Variants in NLRP14 observed in about 807,000 individuals in gnomAD.
NLRP14 encodes NACHT, LRR and PYD domains-containing protein 14.
NLRP14 carries 105 observed loss-of-function variants against 94.7 expected under a neutral mutation model. That is an observed-to-expected ratio of 1.11 (90% confidence interval 0.95 to 1.30). The LOEUF (loss-of-function observed/expected upper bound fraction) is 1.30. NLRP14 is among the 50% of genes most tolerant of loss of function. The probability of loss-of-function intolerance (pLI) is 0.00; values close to 1 mark genes in which losing one functional copy is unlikely to be tolerated. For missense variants in NLRP14, 1,362 were observed against 1,254.1 expected (o/e 1.09, Z -1.30); for synonymous variants, 508 against 459.9 (o/e 1.10, Z -1.34).
chr11:7,053,462 A>T (rs1255529521), intron 6 of NLRP14, among the ~76,000 whole-genome samples: 1 of 100,192 alleles, frequency 1.0e-5, no homozygotes, highest in Non-Finnish European at 2.1e-5. Flanking sequence ...TATATATATG[A>T]TTTAAATTAT....
At chr11:7,034,224 G>C (rs1035639299) in intron 1 of NLRP14, among the ~76,000 whole-genome samples, 1 of 152,156 alleles carries the variant, frequency 6.6e-6, no homozygotes, top group Non-Finnish European at 1.5e-5. Context: ...GTCAATATCA[G>C]TACGGACTCA....
intron 5 of NLRP14, among the ~76,000 whole-genome samples, chr11:7,047,604 C>T (rs1852375279): frequency 6.6e-6 from 1 of 151,982 alleles, no homozygotes; most frequent in African/African-American, 2.4e-5. Context: ...CAATGTCCAG[C>T]CTATCCCTTT....
In NLRP14 at chr11:7,071,286, T is replaced by C; in HGVS notation, c.3260T>C (p.Val1087Ala). The C allele has an allele frequency of 6.2e-7, 1 of 1,613,458 alleles. No individual in the cohort carries two copies. The highest frequency in any genetic ancestry group is 8.5e-7 in the Non-Finnish European group (1 of 1,179,550). Residue 1087 changes from valine (V) to alanine (A), a missense_variant, in exon 12 of 12, where the codon GTG becomes GCG. Transcript: ENST00000299481. ...TGTAACTATCATAATGAAGAAGATG[T>C]GTCTTGGTGGTGGTGTTTCTGATTT... is the stretch of plus-strand genomic sequence containing the variant. ...PDCNYHNEEDVSWWWCF is the reference protein window; with the variant it reads ...PDCNYHNEEDASWWWCF
chr11:7,051,643 GTCTCGT>G (rs1461621055), intron 6 of NLRP14, among the ~76,000 whole-genome samples: 3 of 152,156 alleles, frequency 2.0e-5, no homozygotes, highest in African/African-American at 7.2e-5. Flanking sequence ...TTGAGACAGA[GTCTCGT>G]TCTGTCACCC....
intron 9 of NLRP14, among the ~76,000 whole-genome samples, chr11:7,062,001 TA>T (rs1359058698): frequency 1.3e-5 from 2 of 152,040 alleles, no homozygotes; most frequent in Non-Finnish European, 2.9e-5. Context: ...AAAGATATAT[TA>T]AAAACTGAAA....
chr11:7,068,616 T>A (rs1852743605), intron 10 of NLRP14, among the ~76,000 whole-genome samples: 1 of 152,198 alleles, frequency 6.6e-6, no homozygotes, highest in African/African-American at 2.4e-5. Context: ...ACATGACTTT[T>A]TAAACATACT....
chr11:7,062,408 G>A lies in NLRP14; in HGVS notation c.2880G>A (p.Arg960=). 1.2e-6 allele frequency: 2 copies of A among 1,613,180 alleles called. No individual in the cohort carries two copies. The highest frequency in any genetic ancestry group is 1.7e-6 in the Non-Finnish European group (2 of 1,179,368). Residue 960 remains arginine, a synonymous_variant, in exon 10 of 12, where the codon AGG becomes AGA. Coordinates refer to ENST00000299481, the MANE Select transcript of NLRP14 (RefSeq NM_176822.4). The part of the protein sequence containing the change: ...ASVILNNPNL[R]SLDLGNNDLQ... ...TTATTTTGAATAACCCAAACCTGAG[G>A]AGCCTGGACCTTGGGAACAACGATT... is the stretch of plus-strand genomic sequence containing the variant.
Position 7,043,573 on chromosome 11 carries a change from A to C in NLRP14, c.1547A>C (p.Gln516Pro), listed in dbSNP as rs1344031925. The change falls in exon 4 of 12, where the codon CAA becomes CCA. Residue 516 changes from glutamine to proline, a missense_variant. Physicochemically the swap from Gln to Pro is moderately conservative, Grantham distance 76. Transcript: ENST00000299481. ...TTTGAAGATTTGAAGTCATTACTTC[A>C]AAGCACAAGTTATAAAGACCCCCAT... ...QPFEDLKSLL[Q>P]STSYKDPHLT... 6 of 1,614,226 alleles carry C rather than the reference A, an allele frequency of 3.7e-6. No individual in the cohort carries two copies. The East Asian group carries it at 1.1e-4, about 30-fold the overall frequency.
intron 8 of NLRP14, among the ~76,000 whole-genome samples, chr11:7,059,606 T>C (rs994343856): frequency 5.9e-5 from 9 of 152,030 alleles, no homozygotes; most frequent in Non-Finnish European, 1.3e-4. Context: ...CCTGTTCTTC[T>C]AGTCCATGGA....
At chr11:7,047,469 AT>A (rs914477828) in intron 5 of NLRP14, among the ~76,000 whole-genome samples, 4 of 150,686 alleles carry the variant, frequency 2.7e-5, no homozygotes, top group East Asian at 3.9e-4. Flanking sequence ...ATGCCAGGCT[AT>A]TTTTTTTTAA....
the NLRP14 span, among the ~76,000 whole-genome samples, chr11:7,076,954 A>C: frequency 6.6e-6 from 1 of 152,170 alleles, no homozygotes; most frequent in African/African-American, 2.4e-5. Context: ...TTATTTTCCA[A>C]CTTCCCAGCA....
At chr11:7,083,380 C>G in the NLRP14 span, among the ~76,000 whole-genome samples, 1 of 152,194 alleles carries the variant, frequency 6.6e-6, no homozygotes, top group Non-Finnish European at 1.5e-5. Flanking sequence ...GAGAGGTGTT[C>G]CTCGGTCTGA....
chr11:7,069,649 C>G (rs1015004540), intron 10 of NLRP14, among the ~76,000 whole-genome samples: 1 of 151,142 alleles, frequency 6.6e-6, no homozygotes, highest in Admixed American at 6.6e-5. Flanking sequence ...TTTTTTGAGA[C>G]GGAGTCTTGC....
In NLRP14 at chr11:7,070,217, A is replaced by G. The variant is rs566166037; in HGVS notation, c.2976-69A>G. On this transcript the variant is annotated intron_variant, in intron 10 of 11. Coordinates refer to ENST00000299481, the MANE Select transcript of NLRP14 (RefSeq NM_176822.4). ...GAATTATCCTCCATTCTGAGTTCAC[A>G]GATCTCTTGTGGGCTTTGTTGTGTC... 62 of 1,133,184 alleles carry G rather than the reference A, an allele frequency of 5.5e-5. 1 individual carries two copies. The African/African-American group carries it at 8.2e-4, about 15-fold the overall frequency. The allele number at this position is 1,133,184 out of a possible 1,614,324, so 70.2% of individuals were successfully genotyped here.
intron 4 of NLRP14, among the ~76,000 whole-genome samples, chr11:7,044,754 T>C (rs1852325436): frequency 6.6e-6 from 1 of 152,134 alleles, no homozygotes; most frequent in Non-Finnish European, 1.5e-5. Flanking sequence ...TGCTATATAG[T>C]TGTATAGTGA....
intron 1 of NLRP14, among the ~76,000 whole-genome samples, chr11:7,022,517 G>A (rs1420096156): frequency 6.6e-6 from 1 of 152,160 alleles, no homozygotes; most frequent in Non-Finnish European, 1.5e-5. Context: ...AAGACAGCAA[G>A]GGATTTAGGG....
chr11:7,047,042 A>T (rs774634333), intron 5 of NLRP14, among the ~76,000 whole-genome samples: 3 of 152,204 alleles, frequency 2.0e-5, no homozygotes, highest in Non-Finnish European at 4.4e-5. Flanking sequence ...AGCTGTTCAC[A>T]TGGGTTTTTC....
chr11:7,037,593 G>C (rs895015005), intron 1 of NLRP14, among the ~76,000 whole-genome samples: 3 of 152,166 alleles, frequency 2.0e-5, no homozygotes, highest in Non-Finnish European at 4.4e-5. Context: ...TATGGATTAA[G>C]TGATTAATTG....
chr11:7,071,034 C>T (rs1852787623), intron 11 of NLRP14, 139 bp from the exon 12 acceptor site: 1 of 899,194 alleles, frequency 1.1e-6, no homozygotes, highest in Non-Finnish European at 1.8e-6. Flanking sequence ...CGCTTCCCCA[C>T]TCCTCACCCA....
Sources: allele counts gnomAD v4.1 joint callset (sites outside exome capture counted in the v4.1 genomes callset), GRCh38; gene constraint gnomAD v4.1.1; transcripts MANE v1.5; gene names NCBI Gene and HGNC (gene_info 2026-07-23, HGNC 2026-07-21).